Variants in SPRED2 observed in about 807,000 individuals in gnomAD.
SPRED2 encodes the protein sprouty-related, EVH1 domain-containing protein 2.
In SPRED2, 47 loss-of-function variants were observed where a neutral mutation model predicts 43.0. The observed-to-expected ratio is 1.09, with a 90% CI of 0.87 to 1.40. The LOEUF (loss-of-function observed/expected upper bound fraction) is 1.40, where lower values mean the gene tolerates loss of function less well. Ranked by LOEUF, SPRED2 falls within the 40% of genes most tolerant of loss-of-function variation. The pLI is 0.00. For missense variants in SPRED2, 561 were observed against 586.4 expected (o/e 0.96, Z 0.45); for synonymous variants, 225 against 225.7 (o/e 1.00, Z 0.03).
intron 4 of SPRED2, 65 bp downstream of exon 4, chr2:65,331,922 T>C: frequency 7.4e-7 from 1 of 1,343,254 alleles, no homozygotes; most frequent in Non-Finnish European, 1.0e-6. Flanking sequence ...CTCATGCCCT[T>C]AAACAAAACC....
intron 2 of SPRED2, 106 bp downstream of exon 2, chr2:65,344,613 G>T: frequency 7.0e-7 from 1 of 1,434,800 alleles, no homozygotes; most frequent in Non-Finnish European, 9.6e-7. Context: ...AGAGTTTGAA[G>T]TCAGAGAAAG....
At chr2:65,406,565 CAT>C (rs930623855) in intron 1 of SPRED2, among the ~76,000 whole-genome samples, 4 of 152,208 alleles carry the variant, frequency 2.6e-5, no homozygotes, top group African/African-American at 9.6e-5. Context: ...TCGTGCACCA[CAT>C]GTGAGATGTC....
intron 4 of SPRED2, among the ~76,000 whole-genome samples, chr2:65,325,994 AG>A (rs1335240736): frequency 2.0e-5 from 3 of 151,634 alleles, no homozygotes; most frequent in African/African-American, 7.3e-5. Context: ...AAAAAAAAAA[AG>A]TTACAGGATT....
At chr2:65,358,142 A>G (rs1674710714) in intron 1 of SPRED2, among the ~76,000 whole-genome samples, 1 of 152,202 alleles carries the variant, frequency 6.6e-6, no homozygotes, top group Admixed American at 6.5e-5. Flanking sequence ...CAAAGACCTG[A>G]AACCATGACA....
chr2:65,324,266 A>T lies in SPRED2; in HGVS notation c.439-7383T>A, dbSNP rs1226984458. 2.0e-5 allele frequency among the ~76,000 whole-genome samples: 3 copies of T among 152,174 alleles called. No homozygotes were observed. In the East Asian group the frequency reaches 5.8e-4, roughly 29 times the overall value. On this transcript the variant is annotated intron_variant, in intron 4 of 5. Coordinates refer to ENST00000356388, the MANE Select transcript of SPRED2 (RefSeq NM_181784.3). The stretch of plus-strand genomic sequence containing the variant: ...TAACTCTAGAGTTTGATGACAAATG[A>T]GAGCAACTCCATGGAGCTTCAAAAC...
At chr2:65,314,995 C>A (rs944856598) in intron 5 of SPRED2, among the ~76,000 whole-genome samples, 1 of 152,264 alleles carries the variant, frequency 6.6e-6, no homozygotes, top group African/African-American at 2.4e-5. Context: ...CAAATCTAAG[C>A]TGCATTCTCC....
intron 1 of SPRED2, among the ~76,000 whole-genome samples, chr2:65,374,778 T>TA (rs891150211): frequency 6.6e-6 from 1 of 152,252 alleles, no homozygotes; most frequent in African/African-American, 2.4e-5. Flanking sequence ...AACTATCAGA[T>TA]AAAGCTTACA....
chr2:65,367,345 G>A (rs1033148120), intron 1 of SPRED2, among the ~76,000 whole-genome samples: 4 of 152,114 alleles, frequency 2.6e-5, no homozygotes, highest in African/African-American at 7.2e-5. Context: ...AATAAGGGAC[G>A]GGGTAAAGAA....
intron 4 of SPRED2, among the ~76,000 whole-genome samples, chr2:65,319,967 T>C (rs1233586924): frequency 6.6e-6 from 1 of 152,130 alleles, no homozygotes; most frequent in Non-Finnish European, 1.5e-5. Context: ...CACTTCCAGC[T>C]CCTATGCTAA....
rs70943649 is a variant in SPRED2 at position 65,392,175 on chromosome 2, CTTTTT to C, written c.26+39782_26+39786del. On this transcript the variant is annotated intron_variant, in intron 1 of 5. Coordinates refer to ENST00000356388, the MANE Select transcript of SPRED2 (RefSeq NM_181784.3). ...TCCTCTGTCATTTCTTCCAGAATTT[CTTTTT>C]TTTTTTTTTTTTTTTTGGAGACAGG... 6.0e-3 allele frequency among the ~76,000 whole-genome samples: 590 copies of C among 98,730 alleles called. 4 individuals are homozygous for C. The highest frequency in any genetic ancestry group is 0.02 in the African/African-American group (543 of 26,838). 64.8% of individuals were successfully genotyped at this position (98,730 alleles called of 152,430 possible).
At chr2:65,402,497 T>C (rs1393923796) in intron 1 of SPRED2, among the ~76,000 whole-genome samples, 1 of 152,122 alleles carries the variant, frequency 6.6e-6, no homozygotes, top group Non-Finnish European at 1.5e-5. Context: ...GTTCTGAGAA[T>C]GGCCAGGCTG....
intron 1 of SPRED2, among the ~76,000 whole-genome samples, chr2:65,355,610 C>T (rs1674626666): frequency 6.6e-6 from 1 of 152,048 alleles, no homozygotes; most frequent in Admixed American, 6.6e-5. Flanking sequence ...CCCAGCTACT[C>T]AGGAGGCTGA....
At chr2:65,355,649 C>T (rs1172927574) in intron 1 of SPRED2, among the ~76,000 whole-genome samples, 1 of 152,016 alleles carries the variant, frequency 6.6e-6, no homozygotes, top group Non-Finnish European at 1.5e-5. Flanking sequence ...ACCTAGGGGG[C>T]AGAGGTTGCA....
chr2:65,360,370 C>A (rs1383148738), intron 1 of SPRED2, among the ~76,000 whole-genome samples: 2 of 152,218 alleles, frequency 1.3e-5, no homozygotes, highest in Non-Finnish European at 2.9e-5. Flanking sequence ...TGCCGCACAC[C>A]CAGCAGTGAG....
intron 1 of SPRED2, among the ~76,000 whole-genome samples, chr2:65,387,441 T>C (rs1675527237): frequency 6.6e-6 from 1 of 152,172 alleles, no homozygotes; most frequent in African/African-American, 2.4e-5. Flanking sequence ...CACACCTAGG[T>C]CTCAGTTTAC....
chr2:65,398,165 C>A (rs1241819521), intron 1 of SPRED2, among the ~76,000 whole-genome samples: 2 of 152,178 alleles, frequency 1.3e-5, no homozygotes, highest in African/African-American at 4.8e-5. Context: ...ACAAATGGTA[C>A]TGGGATAATT....
intron 1 of SPRED2, among the ~76,000 whole-genome samples, chr2:65,413,092 C>T (rs1172673383): frequency 1.3e-5 from 2 of 152,182 alleles, no homozygotes; most frequent in African/African-American, 4.8e-5. Context: ...CCATCCTTGC[C>T]TCAGAACCAA....
chr2:65,357,984 T>TA (rs1367953078), intron 1 of SPRED2, among the ~76,000 whole-genome samples: 2 of 149,440 alleles, frequency 1.3e-5, no homozygotes, highest in African/African-American at 4.9e-5. Context: ...CTTTGTGTTT[T>TA]AAAAAAATGG....
At chr2:65,379,593 TC>T (rs1202420699) in intron 1 of SPRED2, among the ~76,000 whole-genome samples, 1 of 152,184 alleles carries the variant, frequency 6.6e-6, no homozygotes. Flanking sequence ...TCTGTGTAAC[TC>T]CTATGACCTT....
Sources: allele counts gnomAD v4.1 joint callset (sites outside exome capture counted in the v4.1 genomes callset), GRCh38; gene constraint gnomAD v4.1.1; transcripts MANE v1.5; gene names NCBI Gene and HGNC (gene_info 2026-07-23, HGNC 2026-07-21).